OSBPL10: variants seen among roughly 807,000 people sequenced by gnomAD.
OSBPL10 encodes oxysterol binding protein like 10.
In OSBPL10, 49 loss-of-function variants were observed where a neutral mutation model predicts 81.7. That is an observed-to-expected ratio of 0.60 (90% CI 0.48 to 0.76). The LOEUF (loss-of-function observed/expected upper bound fraction) is 0.76. OSBPL10 is among the 30% of genes least tolerant of loss of function. OSBPL10 has a pLI of 0.00. For missense variants in OSBPL10, 923 were observed against 987.8 expected (o/e 0.93, Z 0.88); for synonymous variants, 419 against 383.6 (o/e 1.09, Z -1.08).
chr3:32,040,665 G>A (rs1032994863), intron 2 of OSBPL10, among the ~76,000 whole-genome samples: 3 of 150,690 alleles, frequency 2.0e-5, no homozygotes, highest in African/African-American at 4.9e-5. Flanking sequence ...GAGAGACCCT[G>A]TCTCTACCAA....
In OSBPL10 at chr3:31,835,328, A is replaced by C. The variant is rs973609626; in HGVS notation, c.538-5097T>G. Among the ~76,000 whole-genome samples the C allele has an allele frequency of 4.6e-5, 7 of 152,236 alleles. No homozygotes were observed. In the East Asian group the frequency reaches 5.8e-4, roughly 13 times the overall value. ...ATAATTAGTATTTAAACTAATGGAA[A>C]GTTTCCCTTAATACTTGCGATAAAC... On this transcript the variant is annotated intron_variant, in intron 3 of 11. Transcript: ENST00000396556.
chr3:31,949,113 G>A (rs971787710), intron 1 of OSBPL10, among the ~76,000 whole-genome samples: 27 of 152,172 alleles, frequency 1.8e-4, no homozygotes, highest in Admixed American at 1.1e-3. Context: ...ACAATACTAA[G>A]GGGAAGTTGG....
intron 1 of OSBPL10, among the ~76,000 whole-genome samples, chr3:31,898,267 G>T (rs1412566151): frequency 6.6e-6 from 1 of 152,030 alleles, no homozygotes; most frequent in African/African-American, 2.4e-5. Context: ...ATAGCTAGGA[G>T]TAAATTTCAA....
Position 31,751,035 on chromosome 3 carries a change from G to T in OSBPL10, c.730-2915C>A, listed in dbSNP as rs567473802. ...TAAAAAAGCATTCAGGCCAGGCGTG[G>T]TGGTTCACGCCTGTAATCCCAGCAC... On this transcript the variant is annotated intron_variant, in intron 4 of 11. Transcript: ENST00000396556. Among the ~76,000 whole-genome samples the T allele has an allele frequency of 1.1e-3, 160 of 152,226 alleles. 1 individual carries two copies. Among genetic ancestry groups the T allele is most frequent in the Middle Eastern group, 3.4e-3 (1 of 294 alleles).
chr3:31,850,546 G>A (rs944146046), intron 3 of OSBPL10, among the ~76,000 whole-genome samples: 9 of 152,074 alleles, frequency 5.9e-5, no homozygotes, highest in African/African-American at 2.2e-4. Context: ...CTTCCAACGT[G>A]TAAAAAAGGA....
At chr3:31,674,880 CG>C (rs1320268953) in intron 8 of OSBPL10, among the ~76,000 whole-genome samples, 5 of 152,186 alleles carry the variant, frequency 3.3e-5, no homozygotes, top group African/African-American at 1.2e-4. Flanking sequence ...ACTGTGCTAC[CG>C]GATGACTCTG....
At chr3:31,768,014 A>G (rs1372073150) in intron 4 of OSBPL10, among the ~76,000 whole-genome samples, 1 of 152,164 alleles carries the variant, frequency 6.6e-6, no homozygotes, top group African/African-American at 2.4e-5. Context: ...GGCTATTTTT[A>G]TGGTTATTTC....
chr3:31,872,671 G>A (rs986812960), intron 3 of OSBPL10, among the ~76,000 whole-genome samples: 2 of 149,338 alleles, frequency 1.3e-5, no homozygotes, highest in Admixed American at 1.3e-4. Flanking sequence ...ACCCAGGCTG[G>A]AGTACAGTGG....
chr3:31,898,979 T>G (rs1171564232), intron 1 of OSBPL10, among the ~76,000 whole-genome samples: 1 of 99,164 alleles, frequency 1.0e-5, no homozygotes, highest in African/African-American at 4.4e-5. Flanking sequence ...TTTTTTTTTT[T>G]GAGACAGAGT....
At chr3:31,965,751 ATAT>A (rs1280070170) in intron 1 of OSBPL10, among the ~76,000 whole-genome samples, 8 of 68,972 alleles carry the variant, frequency 1.2e-4, no homozygotes, top group African/African-American at 2.5e-4. Flanking sequence ...TATATAATAT[ATAT>A]TATATTAAAA....
chr3:31,895,407 G>A (rs1330382202), intron 1 of OSBPL10, among the ~76,000 whole-genome samples: 2 of 152,056 alleles, frequency 1.3e-5, no homozygotes, highest in Admixed American at 6.6e-5. Flanking sequence ...AAAGTGCTGG[G>A]ATTACAGACA....
chr3:31,884,178 T>G (rs962466596), intron 1 of OSBPL10, among the ~76,000 whole-genome samples: 3 of 152,242 alleles, frequency 2.0e-5, no homozygotes, highest in African/African-American at 7.2e-5. Flanking sequence ...TTATATAGAA[T>G]ATAGGGACAC....
intron 4 of OSBPL10, among the ~76,000 whole-genome samples, chr3:31,788,570 C>T (rs1339825149): frequency 6.6e-6 from 1 of 152,096 alleles, no homozygotes; most frequent in Non-Finnish European, 1.5e-5. Context: ...AGTAACTTTG[C>T]CCCTTTTCTC....
In OSBPL10 at chr3:32,077,050, T is replaced by C. The variant is rs1335310663; in HGVS notation, n.185+346A>G. Among the ~76,000 whole-genome samples the C allele has an allele frequency of 2.0e-5, 3 of 152,184 alleles. No homozygotes were observed. In the East Asian group the frequency reaches 5.8e-4, roughly 29 times the overall value. The stretch of plus-strand genomic sequence containing the variant: ...AATATCTGATCTTTTGGCCAATTTG[T>C]TAGCCCTACAAAGTCAGCCTAGTCC... On this transcript the variant is annotated intron_variant and non_coding_transcript_variant, in intron 1 of 3. Coordinates refer to the OSBPL10 transcript ENST00000479173.
At chr3:31,693,975 G>T (rs900411729) in intron 7 of OSBPL10, among the ~76,000 whole-genome samples, 4 of 152,096 alleles carry the variant, frequency 2.6e-5, no homozygotes, top group Non-Finnish European at 4.4e-5. Context: ...TTGCTATGTT[G>T]CTCAGGCTGG....
intron 5 of OSBPL10, among the ~76,000 whole-genome samples, chr3:31,740,190 C>T (rs932038680): frequency 5.9e-5 from 9 of 151,896 alleles, no homozygotes; most frequent in African/African-American, 2.2e-4. Flanking sequence ...ACTACAGGTG[C>T]CCACCACCAT....
At chr3:31,790,670 A>C (rs1186565439) in intron 4 of OSBPL10, among the ~76,000 whole-genome samples, 1 of 152,178 alleles carries the variant, frequency 6.6e-6, no homozygotes, top group Non-Finnish European at 1.5e-5. Flanking sequence ...AACTGGAGCC[A>C]ATCCTTGAGG....
At chr3:31,931,576 T>C (rs1487863439) in intron 1 of OSBPL10, among the ~76,000 whole-genome samples, 1 of 152,222 alleles carries the variant, frequency 6.6e-6, no homozygotes, top group Non-Finnish European at 1.5e-5. Context: ...ACGCTCCTTG[T>C]CTTGGCATTC....
At chr3:31,684,264 C>A (rs1054387714) in intron 7 of OSBPL10, 150 bp from the exon 8 acceptor site, 11 of 1,026,880 alleles carry the variant, frequency 1.1e-5, no homozygotes, top group Non-Finnish European at 1.5e-5. Flanking sequence ...CATGACAAAC[C>A]AAGGGAAACA....
Sources: gnomAD v4.1 joint callset for allele counts (sites outside exome capture counted in the v4.1 genomes callset) on GRCh38, gnomAD v4.1.1 for gene constraint, MANE v1.5 for transcripts, NCBI Gene and HGNC (gene_info 2026-07-23, HGNC 2026-07-21) for gene names.